The following FAAP20 variants were observed in gnomAD, a reference collection of about 807,000 sequenced individuals.
FAAP20 encodes the protein Fanconi anemia core complex-associated protein 20.
A neutral mutation model predicts 16.2 loss-of-function variants in FAAP20; 12 were observed. The observed-to-expected ratio is 0.74, with a 90% CI of 0.48 to 1.20. The LOEUF is 1.20. Ranked by LOEUF, FAAP20 falls within the 50% of genes most tolerant of loss-of-function variation. The pLI is 0.00. For missense variants in FAAP20, 288 were observed against 245.8 expected, an observed-to-expected ratio of 1.17 and a Z score of -1.15; for synonymous variants, 141 against 110.7, an observed-to-expected ratio of 1.27 and a Z score of -1.72.
At chr1:2,201,296 G>GCACA, upstream of FAAP20, 1 of 1,109,238 alleles carries the variant, frequency 9.0e-7, no homozygotes, top group South Asian at 1.9e-5. Flanking sequence ...GGACACGCAC[G>GCACA]GTGAGCGACC....
At chr1:2,193,471 A>T in intron 3 of FAAP20, 168 bp downstream of exon 3, 2 of 1,107,548 alleles carry the variant, frequency 1.8e-6, no homozygotes, top group Non-Finnish European at 2.5e-6. Context: ...CAGACCCGTG[A>T]CAGAGAGCCA....
chr1:2,208,915 G>A (rs1689359906), downstream of FAAP20, among the ~76,000 whole-genome samples: 1 of 152,234 alleles, frequency 6.6e-6, no homozygotes, highest in African/African-American at 2.4e-5. Context: ...CAGCAGGGAA[G>A]TGGAGGGATG....
chr1:2,187,101 G>A (rs1304891843), downstream of FAAP20: 3 of 451,878 alleles, frequency 6.6e-6, no homozygotes, highest in Non-Finnish European at 1.4e-5. Context: ...GCGTGGGCGT[G>A]GTGCGGGGCA....
chr1:2,195,636 T>C (rs545828046), upstream of FAAP20, among the ~76,000 whole-genome samples: 210 of 152,206 alleles, frequency 1.4e-3, no homozygotes, highest in African/African-American at 4.9e-3. Flanking sequence ...TTCCTACCCC[T>C]CACCTGGCCC....
chr1:2,202,452 A>G (rs910359753), upstream of FAAP20, among the ~76,000 whole-genome samples: 3 of 151,210 alleles, frequency 2.0e-5, no homozygotes, highest in East Asian at 5.9e-4. Context: ...AATCCTCAAC[A>G]CCTCTTTATT....
chr1:2,198,208 C>A (rs1409586070), upstream of FAAP20: 1 of 1,240,926 alleles, frequency 8.1e-7, no homozygotes. Context: ...TTTTTCTAAG[C>A]CAAAATTCAT....
chr1:2,209,055 GC>G (rs1029516745), downstream of FAAP20, among the ~76,000 whole-genome samples: 10 of 152,252 alleles, frequency 6.6e-5, no homozygotes, highest in Middle Eastern at 3.4e-3. Flanking sequence ...TAGGAGCAGA[GC>G]CCCCCAGGCC....
chr1:2,211,900 C>CTTT (rs60874812), downstream of FAAP20, among the ~76,000 whole-genome samples: 4,293 of 98,942 alleles, frequency 0.043, 638 homozygotes, highest in African/African-American at 0.2. Context: ...CAAGCTGCTG[C>CTTT]TTTTTTTTTT....
chr1:2,210,188 G>A (rs955759705), downstream of FAAP20, among the ~76,000 whole-genome samples: 44 of 152,184 alleles, frequency 2.9e-4, no homozygotes, highest in South Asian at 1.0e-3. Flanking sequence ...GTGCCTGCCC[G>A]TGTCAGACAG....
At chr1:2,186,925 A>T (rs1347289217), downstream of FAAP20, 2 of 248,012 alleles carry the variant, frequency 8.1e-6, no homozygotes, top group Non-Finnish European at 1.7e-5. Context: ...TGCTCATCAG[A>T]GGGGAGACTT....
At position 2,194,697 on chromosome 1, in the gene FAAP20, G is replaced by T. The variant is rs938964526; in HGVS notation, c.53C>A (p.Pro18Gln). The T allele has an allele frequency of 8.6e-6, 10 of 1,162,316 alleles. No homozygotes were observed. In the African/African-American group the frequency reaches 9.9e-5, roughly 12 times the overall value. 72.0% of individuals were successfully genotyped at this position (1,162,316 alleles called of 1,614,324 possible). A position where few individuals can be genotyped will look rare whatever the true frequency, so the allele number is the denominator to read the frequency against. Reference protein sequence around the residue: ...RLGLSRRRPRPAGGPSGGRPW... With the variant: ...RLGLSRRRPRQAGGPSGGRPW... ...CGGCTCCCGGCCTCACCCGCCCGCCGGGCGCGGCCTCCGGCGGCTCAACCC... is the reference window on the plus strand; with the variant it reads ...CGGCTCCCGGCCTCACCCGCCCGCCTGGCGCGGCCTCCGGCGGCTCAACCC... Residue 18 changes from proline (P) to glutamine (Q), a missense_variant, in exon 1 of 4, where the codon CCG (proline) becomes CAG (glutamine). By Grantham distance (76) the Pro-to-Gln change is moderately conservative (BLOSUM62 -1). Coordinates refer to ENST00000378546, the MANE Select transcript of FAAP20 (RefSeq NM_182533.4).
chr1:2,195,168 T>C (rs956719715), upstream of FAAP20, among the ~76,000 whole-genome samples: 3 of 152,102 alleles, frequency 2.0e-5, no homozygotes, highest in South Asian at 6.2e-4. Context: ...AAGCTTGAAA[T>C]CCGCCGTCGC....
At chr1:2,200,850 C>T (rs1212660408), upstream of FAAP20, 8 of 1,062,486 alleles carry the variant, frequency 7.5e-6, no homozygotes, top group Non-Finnish European at 9.2e-6. Flanking sequence ...TCCAAGTGGG[C>T]CAGGAAACCT....
downstream of FAAP20, among the ~76,000 whole-genome samples, chr1:2,188,876 G>A (rs1334951594): frequency 6.6e-6 from 1 of 152,114 alleles, no homozygotes; most frequent in Non-Finnish European, 1.5e-5. Flanking sequence ...GTGGTGGCGG[G>A]CGCCTGTAGT....
upstream of FAAP20, chr1:2,199,405 A>G (rs1276065413): frequency 3.2e-6 from 3 of 945,984 alleles, no homozygotes; most frequent in South Asian, 1.2e-4. This position sits in a 1 kb window ranked among gnomAD's most constrained non-coding sequence, Gnocchi z 4.5. Flanking sequence ...AGCCCAGCCC[A>G]GCCCAGCCCA....
At chr1:2,212,263 C>G in exon 2 of FAAP20, 1 of 152,606 alleles carries the variant, frequency 6.6e-6, no homozygotes, top group East Asian at 1.9e-4. Flanking sequence ...GTTGCTGTCT[C>G]AGCGCCAGCG....
upstream of FAAP20, among the ~76,000 whole-genome samples, chr1:2,201,573 T>G (rs568966367): frequency 6.6e-6 from 1 of 152,140 alleles, no homozygotes; most frequent in South Asian, 2.1e-4. Context: ...AATACAAAAT[T>G]TAGCCGGGCG....
downstream of FAAP20, among the ~76,000 whole-genome samples, chr1:2,210,986 G>A (rs1357910817): frequency 2.0e-5 from 3 of 152,186 alleles, no homozygotes; most frequent in Non-Finnish European, 2.9e-5. Context: ...GTGTGGGGCC[G>A]GGCCCTGCAG....
chr1:2,196,800 A>G (rs756076281), upstream of FAAP20, among the ~76,000 whole-genome samples: 8 of 152,220 alleles, frequency 5.3e-5, no homozygotes, highest in African/African-American at 9.6e-5. The surrounding 1 kb of genome is among the most constrained non-coding windows in gnomAD (Gnocchi z 4.5). Context: ...AGATCGCACC[A>G]CTGCACAACA....
Sources: allele counts gnomAD v4.1 joint callset (sites outside exome capture counted in the v4.1 genomes callset), GRCh38; gene constraint gnomAD v4.1.1; non-coding constraint Gnocchi (gnomAD v3.1); transcripts MANE v1.5; gene names NCBI Gene and HGNC (gene_info 2026-07-23, HGNC 2026-07-21).